SCARB1: variants seen among roughly 807,000 people sequenced by gnomAD.
The protein encoded by SCARB1 is CD36 and LIMPII analogous 1.
Under a neutral mutation model 57.2 loss-of-function variants are expected in SCARB1, and 30 were observed. That is an observed-to-expected ratio of 0.52 (90% CI 0.39 to 0.71). The LOEUF (loss-of-function observed/expected upper bound fraction) is 0.71, where lower values mean the gene tolerates loss of function less well. SCARB1 is among the 30% of genes least tolerant of loss of function. The probability of loss-of-function intolerance (pLI) is 0.00; values close to 1 mark genes in which losing one functional copy is unlikely to be tolerated. For missense variants in SCARB1, 543 were observed against 671.2 expected (o/e 0.81, Z 2.11); for synonymous variants, 249 against 268.3 (o/e 0.93, Z 0.70).
rs34628266 is a variant in SCARB1 at position 124,806,151 on chromosome 12, T to C, written c.1009+1610A>G. 3.4e-3 allele frequency among the ~76,000 whole-genome samples: 517 copies of C among 152,200 alleles called. 3 individuals carry two copies. The highest frequency in any genetic ancestry group is 0.012 in the African/African-American group (488 of 41,524). On this transcript the variant is annotated intron_variant, in intron 7 of 12. Coordinates refer to ENST00000261693, the MANE Select transcript of SCARB1 (RefSeq NM_005505.5). The stretch of plus-strand genomic sequence containing the variant: ...AACACTGCATTGAGGGATGGGCTAC[T>C]GAAAGGGCTGGATCACCAGGAAGGA...
chr12:124,863,533 C>T lies in SCARB1; in HGVS notation c.126+62G>A, dbSNP rs1952988843. On this transcript the variant is annotated intron_variant, in intron 1 of 12. Transcript: ENST00000261693. ...ACCCACCGCAACGCGCGGGTCCTCC[C>T]GGCGCCCAGCGCCCAACAGCCCGGG... 5 of 1,554,526 alleles carry T rather than the reference C, an allele frequency of 3.2e-6. No individual in the cohort carries two copies. The African/African-American group carries it at 5.7e-5, about 18-fold the overall frequency.
intron 1 of SCARB1, among the ~76,000 whole-genome samples, chr12:124,820,533 C>CCGAT (rs1355023408): frequency 2.0e-5 from 3 of 152,118 alleles, no homozygotes; most frequent in Admixed American, 2.0e-4. Context: ...CTCTCAGGCC[C>CCGAT]CGATCGCCCA....
At chr12:124,845,227 C>T (rs1952093210) in intron 1 of SCARB1, among the ~76,000 whole-genome samples, 2 of 152,168 alleles carry the variant, frequency 1.3e-5, no homozygotes, top group Admixed American at 1.3e-4. Flanking sequence ...CCCAGACGCC[C>T]ATCCACAGAG....
At chr12:124,797,180 T>C (rs1949969683) in intron 8 of SCARB1, among the ~76,000 whole-genome samples, 1 of 149,354 alleles carries the variant, frequency 6.7e-6, no homozygotes, top group African/African-American at 2.4e-5. Context: ...AGGAACCCCC[T>C]GGAAGAGGAC....
intron 1 of SCARB1, among the ~76,000 whole-genome samples, chr12:124,836,613 T>C (rs1441453916): frequency 6.6e-5 from 10 of 151,908 alleles, no homozygotes; most frequent in Non-Finnish European, 2.9e-5. Flanking sequence ...CGCAACACAG[T>C]GAGCCCCATC....
chr12:124,803,499 A>G (rs1950207574), intron 7 of SCARB1, among the ~76,000 whole-genome samples: 1 of 152,056 alleles, frequency 6.6e-6, no homozygotes, highest in East Asian at 1.9e-4. Context: ...TGAGTGATGG[A>G]GGTCAGACTG....
rs1397495630 is a variant in SCARB1 at position 124,787,341 on chromosome 12, C to T, written c.1254+65G>A. 6 of 1,497,264 alleles carry T rather than the reference C, an allele frequency of 4.0e-6. No individual in the cohort carries two copies. The African/African-American group carries it at 8.3e-5, about 21-fold the overall frequency. 92.7% of individuals were successfully genotyped at this position (1,497,264 alleles called of 1,614,324 possible). On this transcript the variant is annotated intron_variant, in intron 10 of 12. Coordinates refer to ENST00000261693, the MANE Select transcript of SCARB1 (RefSeq NM_005505.5). ...TTCTACAAGCTGCTCCCCCCGCCTCCTGCCTCAAATGCCCACATTGGCTCT... is the reference window on the plus strand; with the variant it reads ...TTCTACAAGCTGCTCCCCCCGCCTCTTGCCTCAAATGCCCACATTGGCTCT...
In SCARB1 at chr12:124,814,459, C is replaced by T; in HGVS notation, c.427-54G>A. 6.4e-7 allele frequency: 1 copy of T among 1,572,554 alleles called. No individual in the cohort carries two copies. Among genetic ancestry groups the T allele is most frequent in the Non-Finnish European group, 8.7e-7 (1 of 1,144,254 alleles). ...AGGCTGGACGTGGCTGGCCCATCCT[C>T]CCTTGGCCCCAGCTGGGCCTCACAG... On this transcript the variant is annotated intron_variant, in intron 3 of 12. Coordinates refer to ENST00000261693, the MANE Select transcript of SCARB1 (RefSeq NM_005505.5). This position sits in a 1 kb window ranked among gnomAD's most constrained non-coding sequence, Gnocchi z 4.7.
intron 7 of SCARB1, among the ~76,000 whole-genome samples, chr12:124,803,481 G>A (rs1339556180): frequency 6.6e-6 from 1 of 151,998 alleles, no homozygotes; most frequent in Admixed American, 6.5e-5. Flanking sequence ...TGGGGTAAGA[G>A]GATCAATTGA....
At chr12:124,802,065 G>A (rs1214740793) in intron 7 of SCARB1, among the ~76,000 whole-genome samples, 2 of 145,654 alleles carry the variant, frequency 1.4e-5, no homozygotes, top group Non-Finnish European at 3.0e-5. Flanking sequence ...CAGGAGAATC[G>A]CTTGAACCCA....
At chr12:124,821,672 G>C (rs918684922) in intron 1 of SCARB1, 2 of 379,230 alleles carry the variant, frequency 5.3e-6, no homozygotes, top group Non-Finnish European at 7.2e-6. Flanking sequence ...GGAGAGTGTC[G>C]CCTCATGGGC....
intron 1 of SCARB1, among the ~76,000 whole-genome samples, chr12:124,826,840 T>C (rs1951181107): frequency 2.6e-5 from 4 of 152,152 alleles, no homozygotes; most frequent in Non-Finnish European, 5.9e-5. Flanking sequence ...GGCCTCTTGA[T>C]GTGAATTTTC....
At chr12:124,795,848 C>A (rs773065725) in intron 8 of SCARB1, among the ~76,000 whole-genome samples, 37 of 152,298 alleles carry the variant, frequency 2.4e-4, no homozygotes, top group Non-Finnish European at 4.6e-4. Context: ...TGCTGACAGA[C>A]AACAATATTT....
chr12:124,832,346 C>A (rs540927183), intron 1 of SCARB1, among the ~76,000 whole-genome samples: 148 of 152,182 alleles, frequency 9.7e-4, no homozygotes, highest in African/African-American at 3.5e-3. Context: ...ATAGTGAAAT[C>A]CCGACTCTAC....
chr12:124,781,402 T>C (rs1873440513), intron 12 of SCARB1, among the ~76,000 whole-genome samples: 1 of 152,042 alleles, frequency 6.6e-6, no homozygotes, highest in South Asian at 2.1e-4. Flanking sequence ...GAAACTAAAA[T>C]AACAGCTATT....
At chr12:124,828,767 A>T (rs1951269367) in intron 1 of SCARB1, among the ~76,000 whole-genome samples, 1 of 152,204 alleles carries the variant, frequency 6.6e-6, no homozygotes, top group Admixed American at 6.5e-5. Context: ...CAAATGAATC[A>T]TTAACTTGAC....
At chr12:124,838,276 G>A (rs369418981) in intron 1 of SCARB1, among the ~76,000 whole-genome samples, 1 of 152,346 alleles carries the variant, frequency 6.6e-6, no homozygotes, top group East Asian at 1.9e-4. Context: ...ACCTAGTTCT[G>A]GCCTCGGCTC....
chr12:124,853,682 A>C (rs1952519826), intron 1 of SCARB1, among the ~76,000 whole-genome samples: 1 of 152,188 alleles, frequency 6.6e-6, no homozygotes. Flanking sequence ...GGCATGAGCC[A>C]CTGTGCCCGG....
intron 1 of SCARB1, among the ~76,000 whole-genome samples, chr12:124,855,912 T>C (rs1952604691): frequency 6.6e-6 from 1 of 152,182 alleles, no homozygotes; most frequent in African/African-American, 2.4e-5. Flanking sequence ...CCAAGACTCA[T>C]CCAGGAAAAA....
Sources: allele counts gnomAD v4.1 joint callset (sites outside exome capture counted in the v4.1 genomes callset), GRCh38; gene constraint gnomAD v4.1.1; non-coding constraint Gnocchi (gnomAD v3.1); transcripts MANE v1.5; gene names NCBI Gene and HGNC (gene_info 2026-07-23, HGNC 2026-07-21).